The following SMPX variants were observed in gnomAD, a reference collection of about 807,000 sequenced individuals.
SMPX encodes the protein small muscular protein.
SMPX carries 2 observed loss-of-function variants against 6.3 expected under a neutral mutation model. That is an observed-to-expected ratio of 0.32 (90% CI 0.13 to 0.99). The LOEUF (loss-of-function observed/expected upper bound fraction) is 0.99. SMPX is among the 50% of genes least tolerant of loss of function. The probability of loss-of-function intolerance (pLI) is 0.49; values close to 1 mark genes in which losing one functional copy is unlikely to be tolerated. For missense variants in SMPX, 60 were observed against 66.8 expected (o/e 0.90, Z 0.36); for synonymous variants, 32 against 24.7 (o/e 1.30, Z -0.88).
chrX:21,752,621 G>A (rs765339978), intron 2 of SMPX, among the ~76,000 whole-genome samples: 2 of 110,592 alleles, frequency 1.8e-5, no homozygotes, highest in East Asian at 2.8e-4. Flanking sequence ...AGGTTCAAGC[G>A]ATTCTCCTGC....
intron 3 of SMPX, among the ~76,000 whole-genome samples, chrX:21,742,926 T>C (rs1319866258): frequency 8.9e-6 from 1 of 112,753 alleles, no homozygotes; most frequent in Non-Finnish European, 1.9e-5. Context: ...CCATTTTCCA[T>C]GTCTTGTGCT....
At chrX:21,743,506 C>G (rs145463766) in intron 3 of SMPX, among the ~76,000 whole-genome samples, 27 of 111,895 alleles carry the variant, frequency 2.4e-4, no homozygotes, top group African/African-American at 7.8e-4. Flanking sequence ...TCAGTACCTT[C>G]AAGTAATGGT....
rs748914348 is a variant in SMPX, at chrX:21,716,797, G to A, written c.*15-10403C>T. Among the ~76,000 whole-genome samples, 4 of 111,429 alleles carry A rather than the reference G, an allele frequency of 3.6e-5. No individual in the cohort carries two copies. In the East Asian group the frequency reaches 1.1e-3, roughly 31 times the overall value. Reference sequence around the variant, plus strand: ...TGGAAAAGGGGCTTGGGGACTCAGTGGAAAATAGGATTTCTTGGAAAGAAA... The same window carrying A: ...TGGAAAAGGGGCTTGGGGACTCAGTAGAAAATAGGATTTCTTGGAAAGAAA... On this transcript the variant is annotated intron_variant, in intron 4 of 4. Transcript: ENST00000379494.
intron 4 of SMPX, among the ~76,000 whole-genome samples, chrX:21,719,524 A>AAAGAAG (rs1232060742): frequency 9.2e-6 from 1 of 108,460 alleles, no homozygotes; most frequent in Non-Finnish European, 1.9e-5. Flanking sequence ...TCAAAAAAAA[A>AAAGAAG]AAGAAGAAGA....
At chrX:21,731,446 C>T (rs1350698008) in intron 4 of SMPX, among the ~76,000 whole-genome samples, 4 of 88,194 alleles carry the variant, frequency 4.5e-5, no homozygotes, top group Non-Finnish European at 9.1e-5. Flanking sequence ...TATGTGTACA[C>T]ATACACATAA....
At chrX:21,712,827 C>T (rs1459216458) in intron 4 of SMPX, among the ~76,000 whole-genome samples, 1 of 112,319 alleles carries the variant, frequency 8.9e-6, no homozygotes, top group Non-Finnish European at 1.9e-5. Flanking sequence ...TTGTTTATGC[C>T]TTGGCATTCA....
chrX:21,725,175 C>T (rs2092795620), intron 4 of SMPX, among the ~76,000 whole-genome samples: 3 of 111,538 alleles, frequency 2.7e-5, no homozygotes, highest in Non-Finnish European at 5.6e-5. Flanking sequence ...AACACCTCTG[C>T]AAGGTAATCA....
intron 3 of SMPX, among the ~76,000 whole-genome samples, chrX:21,737,962 T>G (rs1011736641): frequency 8.9e-6 from 1 of 112,329 alleles, no homozygotes; most frequent in Non-Finnish European, 1.9e-5. Flanking sequence ...GTTCAACTTC[T>G]GATAACTAAC....
chrX:21,721,141 CTTGG>C (rs2092791255), intron 4 of SMPX, among the ~76,000 whole-genome samples: 1 of 111,852 alleles, frequency 8.9e-6, no homozygotes, highest in Admixed American at 9.4e-5. Context: ...TAGGCTGGGT[CTTGG>C]TTGGACTAAG....
chrX:21,709,434 A>G (rs2092776187), intron 4 of SMPX, among the ~76,000 whole-genome samples: 1 of 112,497 alleles, frequency 8.9e-6, no homozygotes, highest in African/African-American at 3.2e-5. Context: ...CCCTGCCACT[A>G]GGCTAGGATC....
intron 2 of SMPX, among the ~76,000 whole-genome samples, chrX:21,749,806 C>A (rs2092825526): frequency 8.9e-6 from 1 of 112,105 alleles, no homozygotes; most frequent in Non-Finnish European, 1.9e-5. Flanking sequence ...CACAGACTTA[C>A]AAGCTGGACA....
chrX:21,754,141 G>A, intron 2 of SMPX, 105 bp downstream of exon 2: 1 of 723,391 alleles, frequency 1.4e-6, no homozygotes, highest in South Asian at 2.1e-5. Context: ...CAAATCTTAT[G>A]AAGAACTTAA....
chrX:21,746,338 G>T (rs1023716303), intron 2 of SMPX, among the ~76,000 whole-genome samples: 1 of 111,596 alleles, frequency 9.0e-6, no homozygotes, highest in African/African-American at 3.3e-5. Context: ...TATAGTTCCA[G>T]GAAAAGGCAA....
intron 4 of SMPX, among the ~76,000 whole-genome samples, chrX:21,721,256 C>A (rs2092791430): frequency 9.0e-6 from 1 of 111,536 alleles, no homozygotes; most frequent in Non-Finnish European, 1.9e-5. Context: ...TTAGTGGGAG[C>A]TAGAGTATTC....
chrX:21,707,953 T>G (rs2092774690), intron 4 of SMPX, among the ~76,000 whole-genome samples: 1 of 112,465 alleles, frequency 8.9e-6, no homozygotes, highest in African/African-American at 3.2e-5. Context: ...AATGATCTTG[T>G]TTTAAACATT....
intron 4 of SMPX, among the ~76,000 whole-genome samples, chrX:21,717,041 G>A (rs1208277230): frequency 2.7e-5 from 3 of 111,656 alleles, no homozygotes; most frequent in African/African-American, 6.5e-5. Context: ...AAGAGTGTAC[G>A]CTGTACCTGT....
At chrX:21,728,398 G>A (rs1160501557) in intron 4 of SMPX, among the ~76,000 whole-genome samples, 1 of 111,229 alleles carries the variant, frequency 9.0e-6, no homozygotes, top group African/African-American at 3.3e-5. Context: ...AGATGCTCTG[G>A]CATATTTGAA....
intron 3 of SMPX, among the ~76,000 whole-genome samples, chrX:21,743,504 T>C (rs1214038139): frequency 1.8e-5 from 2 of 111,836 alleles, no homozygotes; most frequent in Non-Finnish European, 3.8e-5. Flanking sequence ...ACTCAGTACC[T>C]TCAAGTAATG....
At chrX:21,717,178 G>C (rs1030873443) in intron 4 of SMPX, among the ~76,000 whole-genome samples, 14 of 111,966 alleles carry the variant, frequency 1.3e-4, no homozygotes, top group Admixed American at 1.0e-3. Flanking sequence ...TCGTGGGAGG[G>C]ACCTGGTGGG....
Sources: gnomAD v4.1 joint callset for allele counts (sites outside exome capture counted in the v4.1 genomes callset) on GRCh38, gnomAD v4.1.1 for gene constraint, MANE v1.5 for transcripts, NCBI Gene and HGNC (gene_info 2026-07-23, HGNC 2026-07-21) for gene names.